Variants in SPATA6 observed in about 807,000 individuals in gnomAD.
SPATA6 encodes the protein spermatogenesis associated 6, also known as spermatogenesis-associated protein 6.
In SPATA6, 56 loss-of-function variants were observed where a neutral mutation model predicts 65.3. The ratio of observed to expected loss-of-function variants is 0.86; its 90% confidence interval spans 0.69 to 1.07. The LOEUF (loss-of-function observed/expected upper bound fraction) is 1.07. SPATA6 is among the 50% of genes least tolerant of loss of function. The probability of loss-of-function intolerance (pLI) is 0.00; values close to 1 mark genes in which losing one functional copy is unlikely to be tolerated. For missense variants in SPATA6, 590 were observed against 594.8 expected, an observed-to-expected ratio of 0.99 and a Z score of 0.08; for synonymous variants, 199 against 213.2, an observed-to-expected ratio of 0.93 and a Z score of 0.58.
Position 48,298,737 on chromosome 1 carries a change from A to C in SPATA6, c.1443T>G (p.Ala481=). ...RNLYKKACSS[A]SHTQESF ...CTCAGAAGCTTTCCTGTGTATGTGA[A>C]GCAGAACTACAGGCCTTTTTGTATA... The change falls in exon 13 of 13, where the codon GCT becomes GCG. Residue 481 remains alanine (A), a synonymous_variant. Coordinates refer to ENST00000371847, the MANE Select transcript of SPATA6 (RefSeq NM_019073.4). 1 of 1,613,486 alleles carries C rather than the reference A, an allele frequency of 6.2e-7. No individual in the cohort carries two copies. The highest frequency in any genetic ancestry group is 8.5e-7 in the Non-Finnish European group (1 of 1,179,714).
intron 11 of SPATA6, among the ~76,000 whole-genome samples, chr1:48,312,420 G>A (rs1480051544): frequency 2.0e-5 from 3 of 152,148 alleles, no homozygotes; most frequent in African/African-American, 7.2e-5. Flanking sequence ...CTTCGCTGCT[G>A]ATACCCAGGC....
At chr1:48,263,873 C>T in the SPATA6 span, among the ~76,000 whole-genome samples, 1 of 152,166 alleles carries the variant, frequency 6.6e-6, no homozygotes, top group Non-Finnish European at 1.5e-5. Flanking sequence ...GTTGCCCAGG[C>T]TGGAGTGCAG....
At chr1:48,408,485 T>G (rs2256579) in intron 5 of SPATA6, among the ~76,000 whole-genome samples, 1 of 152,092 alleles carries the variant, frequency 6.6e-6, no homozygotes, top group Non-Finnish European at 1.5e-5. Flanking sequence ...TATTTTACAA[T>G]TAATCTATCT....
intron 3 of SPATA6, among the ~76,000 whole-genome samples, chr1:48,435,230 G>T (rs770581969): frequency 6.6e-6 from 1 of 152,114 alleles, no homozygotes; most frequent in Non-Finnish European, 1.5e-5. Flanking sequence ...GGACTCCCTG[G>T]GTCAAGTGGG....
At chr1:48,389,605 G>C (rs1255301905) in intron 8 of SPATA6, among the ~76,000 whole-genome samples, 1 of 152,006 alleles carries the variant, frequency 6.6e-6, no homozygotes, top group Non-Finnish European at 1.5e-5. Flanking sequence ...TTACAGACCA[G>C]GAATGGGATG....
intron 9 of SPATA6, among the ~76,000 whole-genome samples, chr1:48,382,473 A>G (rs1353704593): frequency 5.6e-5 from 6 of 106,244 alleles, no homozygotes; most frequent in South Asian, 3.7e-4. Context: ...TGTCCCCCCC[A>G]CCTCCCTCCC....
chr1:48,402,460 AAAAC>A (rs149990619), intron 6 of SPATA6, among the ~76,000 whole-genome samples: 1,858 of 152,308 alleles, frequency 0.012, 43 homozygotes, highest in African/African-American at 0.043. Flanking sequence ...GCACATCTCT[AAAAC>A]AAGTCAATAA....
At chr1:48,325,093 A>G (rs940314418) in intron 11 of SPATA6, 22 of 433,614 alleles carry the variant, frequency 5.1e-5, no homozygotes, top group African/African-American at 2.0e-5. Flanking sequence ...TCAGTAAGGA[A>G]GATGTGGGCT....
At chr1:48,318,945 G>A (rs193044293) in intron 11 of SPATA6, among the ~76,000 whole-genome samples, 1 of 152,172 alleles carries the variant, frequency 6.6e-6, no homozygotes, top group Admixed American at 6.5e-5. Context: ...ACAGAATTAA[G>A]AATCCAGAAA....
At chr1:48,410,459 C>A (rs1321178428) in intron 5 of SPATA6, among the ~76,000 whole-genome samples, 1 of 152,196 alleles carries the variant, frequency 6.6e-6, no homozygotes, top group Non-Finnish European at 1.5e-5. Context: ...CTGCCCATTA[C>A]CCAGTTCCAA....
chr1:48,284,867 AC>A, the SPATA6 span, among the ~76,000 whole-genome samples: 323 of 151,740 alleles, frequency 2.1e-3, no homozygotes, highest in African/African-American at 7.0e-3. Flanking sequence ...GTGTCTGTCG[AC>A]CCCTGCTGGC....
At chr1:48,366,537 T>C (rs1232948498) in intron 9 of SPATA6, among the ~76,000 whole-genome samples, 1 of 152,208 alleles carries the variant, frequency 6.6e-6, no homozygotes, top group Admixed American at 6.5e-5. Context: ...GGTGTATGTG[T>C]CTACGAATTT....
intron 11 of SPATA6, among the ~76,000 whole-genome samples, chr1:48,336,204 T>C (rs1442732343): frequency 6.6e-6 from 1 of 152,020 alleles, no homozygotes; most frequent in African/African-American, 2.4e-5. Flanking sequence ...AGTTCAACCA[T>C]TGTGAAAGAC....
chr1:48,439,867 G>A (rs546616335), intron 3 of SPATA6, among the ~76,000 whole-genome samples: 39 of 152,216 alleles, frequency 2.6e-4, no homozygotes, highest in Non-Finnish European at 4.3e-4. Context: ...TTCTCTGTCT[G>A]ATGGGGAAAA....
intron 11 of SPATA6, among the ~76,000 whole-genome samples, chr1:48,312,920 T>A (rs533562271): frequency 6.6e-6 from 1 of 152,270 alleles, no homozygotes; most frequent in South Asian, 2.1e-4. Context: ...CAGTAGCTGA[T>A]TCAATCAACT....
chr1:48,274,028 C>T, the SPATA6 span, among the ~76,000 whole-genome samples: 12 of 152,086 alleles, frequency 7.9e-5, no homozygotes, highest in Non-Finnish European at 1.2e-4. Flanking sequence ...TTTTAATGAT[C>T]GCCATTTTAA....
chr1:48,402,112 C>T (rs1400366618), intron 6 of SPATA6, among the ~76,000 whole-genome samples: 1 of 151,936 alleles, frequency 6.6e-6, no homozygotes, highest in Non-Finnish European at 1.5e-5. Flanking sequence ...CCTTTTCTCT[C>T]ATATCTCTGT....
At chr1:48,284,836 G>A in the SPATA6 span, among the ~76,000 whole-genome samples, 1 of 152,148 alleles carries the variant, frequency 6.6e-6, no homozygotes. Context: ...CCAGATGTCA[G>A]CCAGAGCTCT....
chr1:48,326,342 G>A (rs1487183714), intron 11 of SPATA6, among the ~76,000 whole-genome samples: 2 of 152,056 alleles, frequency 1.3e-5, no homozygotes, highest in African/African-American at 2.4e-5. Flanking sequence ...AAACACTGTT[G>A]AAATTGTAAG....
Sources: gnomAD v4.1 joint callset for allele counts (sites outside exome capture counted in the v4.1 genomes callset) on GRCh38, gnomAD v4.1.1 for gene constraint, MANE v1.5 for transcripts, NCBI Gene and HGNC (gene_info 2026-07-23, HGNC 2026-07-21) for gene names.